TBC1D5: variants seen among roughly 807,000 people sequenced by gnomAD.
TBC1D5 encodes TBC1 domain family, member 5.
A neutral mutation model predicts 100.3 loss-of-function variants in TBC1D5; 75 were observed. That is an observed-to-expected ratio of 0.75 (90% confidence interval 0.62 to 0.91). TBC1D5 has a LOEUF of 0.91. Ranked by LOEUF, TBC1D5 falls within the 40% of genes least tolerant of loss-of-function variation. The pLI, the probability that TBC1D5 is intolerant of heterozygous loss-of-function variation, is 0.00. For synonymous variants in TBC1D5, 323 were observed against 325.6 expected, an observed-to-expected ratio of 0.99 and a Z score of 0.09; for missense variants, 910 against 942.4, an observed-to-expected ratio of 0.97 and a Z score of 0.45.
intron 10 of TBC1D5, among the ~76,000 whole-genome samples, 200 bp downstream of exon 10, chr3:17,376,325 A>T (rs1270690657): frequency 6.6e-6 from 1 of 152,132 alleles, no homozygotes; most frequent in Non-Finnish European, 1.5e-5. Context: ...GACATTTATG[A>T]TTCTAAATTT....
Position 17,705,492 on chromosome 3 carries a change from G to C in TBC1D5, c.-101+33851C>G, listed in dbSNP as rs538412996. On this transcript the variant is annotated intron_variant, in intron 1 of 21. Coordinates refer to ENST00000253692, the Ensembl canonical transcript of TBC1D5. ...CGGAGGGGCTCCTCACTTCTCAGAC[G>C]GGGTGGTTGCCAGGCGGAGGGTCTC... Among the ~76,000 whole-genome samples, 10 of 149,898 alleles carry C rather than the reference G, an allele frequency of 6.7e-5. No homozygotes were observed. The East Asian group carries it at 2.1e-3, about 31-fold the overall frequency.
intron 16 of TBC1D5, among the ~76,000 whole-genome samples, chr3:17,256,387 T>C (rs2077674179): frequency 6.8e-6 from 1 of 146,624 alleles, no homozygotes; most frequent in Admixed American, 6.8e-5. Flanking sequence ...AATGTGTTTA[T>C]ATATATATAA....
chr3:17,277,526 G>T (rs2149814912), intron 15 of TBC1D5, among the ~76,000 whole-genome samples: 1 of 152,256 alleles, frequency 6.6e-6, no homozygotes, highest in Middle Eastern at 3.4e-3. Context: ...CTAATTAACA[G>T]TATATCAATT....
intron 1 of TBC1D5, among the ~76,000 whole-genome samples, chr3:17,647,712 C>T (rs1161093786): frequency 6.6e-6 from 1 of 152,014 alleles, no homozygotes; most frequent in Non-Finnish European, 1.5e-5. Context: ...TGTCTTAAGC[C>T]CATCGTAAAC....
Position 17,369,116 on chromosome 3 carries a change from A to T in TBC1D5, c.995+2959T>A, listed in dbSNP as rs2092329429. ...TAAAATTATTCTGCCAAACTATATG[A>T]TCATTTCTAAAAGTTTACTCCCAAC... On this transcript the variant is annotated intron_variant, in intron 13 of 21. Transcript: ENST00000253692. 3.9e-5 allele frequency among the ~76,000 whole-genome samples: 6 copies of T among 152,182 alleles called. No individual in the cohort carries two copies. In the South Asian group the frequency reaches 6.2e-4, roughly 16 times the overall value.
intron 3 of TBC1D5, among the ~76,000 whole-genome samples, chr3:17,494,687 T>G (rs372599130): frequency 3.9e-5 from 6 of 152,204 alleles, no homozygotes; most frequent in South Asian, 2.1e-4. Context: ...TGCTGTGCTG[T>G]GCTGGGCTGT....
chr3:17,186,108 C>G (rs950538424), intron 18 of TBC1D5, among the ~76,000 whole-genome samples: 3 of 149,934 alleles, frequency 2.0e-5, no homozygotes, highest in African/African-American at 7.4e-5. Flanking sequence ...GCTAGGATAC[C>G]AAGAAAGGAT....
intron 3 of TBC1D5, among the ~76,000 whole-genome samples, chr3:17,435,930 T>C (rs1226174173): frequency 1.3e-5 from 2 of 152,212 alleles, no homozygotes; most frequent in Non-Finnish European, 2.9e-5. Context: ...ACTGCAAGCG[T>C]GGCTAAATGT....
intron 3 of TBC1D5, among the ~76,000 whole-genome samples, chr3:17,487,157 C>G (rs2095579515): frequency 6.6e-6 from 1 of 152,118 alleles, no homozygotes; most frequent in Admixed American, 6.5e-5. Flanking sequence ...TCTCAGGTTC[C>G]TTTCATGCTA....
intron 1 of TBC1D5, among the ~76,000 whole-genome samples, chr3:17,697,190 G>A (rs149999949): frequency 1.8e-4 from 27 of 152,210 alleles, no homozygotes; most frequent in Non-Finnish European, 3.1e-4. Flanking sequence ...TTGGAAAATC[G>A]GCACAAGACA....
chr3:17,419,190 G>A (rs1380370000), intron 4 of TBC1D5, among the ~76,000 whole-genome samples: 1 of 152,210 alleles, frequency 6.6e-6, no homozygotes, highest in Non-Finnish European at 1.5e-5. Flanking sequence ...TTTCTAAACT[G>A]CAGTTTGCTA....
At chr3:17,491,551 T>G (rs1292710788) in intron 3 of TBC1D5, among the ~76,000 whole-genome samples, 2 of 152,210 alleles carry the variant, frequency 1.3e-5, no homozygotes, top group African/African-American at 4.8e-5. Flanking sequence ...CTTTTCTGCC[T>G]CTATTGAGAT....
chr3:17,424,975 G>A (rs763829361), intron 4 of TBC1D5, among the ~76,000 whole-genome samples: 1 of 152,146 alleles, frequency 6.6e-6, no homozygotes, highest in Non-Finnish European at 1.5e-5. Flanking sequence ...GTCAGATATT[G>A]AGAATGTCAA....
intron 15 of TBC1D5, among the ~76,000 whole-genome samples, chr3:17,263,366 C>CA (rs71049192): frequency 0.017 from 1,340 of 80,644 alleles, 16 homozygotes; most frequent in East Asian, 0.027. Context: ...ACCCTGTCTC[C>CA]AAAAAAAAAA....
At chr3:17,730,956 T>C (rs1485771237) in intron 1 of TBC1D5, among the ~76,000 whole-genome samples, 2 of 152,068 alleles carry the variant, frequency 1.3e-5, no homozygotes, top group Non-Finnish European at 1.5e-5. Context: ...TTATGTATTA[T>C]GAGTAATACA....
chr3:17,321,231 T>C (rs1161037631), intron 13 of TBC1D5, among the ~76,000 whole-genome samples: 2 of 152,118 alleles, frequency 1.3e-5, no homozygotes, highest in Non-Finnish European at 2.9e-5. Flanking sequence ...CCATGCTCAG[T>C]TACTTTAAAA....
intron 1 of TBC1D5, among the ~76,000 whole-genome samples, chr3:17,661,379 A>G (rs2066627923): frequency 6.6e-6 from 1 of 152,252 alleles, no homozygotes; most frequent in Non-Finnish European, 1.5e-5. Context: ...GTGTGTACAC[A>G]CAGACACAAG....
At chr3:17,214,484 C>T in intron 17 of TBC1D5, 114 bp from the exon 19 acceptor site, 1 of 1,080,218 alleles carries the variant, frequency 9.3e-7, no homozygotes, top group Non-Finnish European at 1.3e-6. Context: ...TTGATACTAT[C>T]AACATAATGA....
chr3:17,667,142 T>A (rs1370479043), intron 1 of TBC1D5, among the ~76,000 whole-genome samples: 1 of 152,224 alleles, frequency 6.6e-6, no homozygotes, highest in Non-Finnish European at 1.5e-5. Flanking sequence ...GAGATGCATT[T>A]GAACTCTCAA....
Sources: gnomAD v4.1 joint callset for allele counts (sites outside exome capture counted in the v4.1 genomes callset) on GRCh38, gnomAD v4.1.1 for gene constraint, MANE v1.5 for transcripts, NCBI Gene and HGNC (gene_info 2026-07-23, HGNC 2026-07-21) for gene names.